ITGA9: variants seen among roughly 807,000 people sequenced by gnomAD.
ITGA9 encodes integrin alpha-9.
A neutral mutation model predicts 127.8 loss-of-function variants in ITGA9; 56 were observed. The ratio of observed to expected loss-of-function variants is 0.44; its 90% CI spans 0.35 to 0.55. ITGA9 has a LOEUF of 0.55. Ranked by LOEUF, ITGA9 falls within the 20% of genes least tolerant of loss-of-function variation. The pLI is 0.00. For synonymous variants in ITGA9, 508 were observed against 514.5 expected, an observed-to-expected ratio of 0.99 and a Z score of 0.17; for missense variants, 1,196 against 1,347.1, an observed-to-expected ratio of 0.89 and a Z score of 1.76.
chr3:37,471,194 T>A, intron 2 of ITGA9, 60 bp downstream of exon 2: 1 of 1,594,728 alleles, frequency 6.3e-7, no homozygotes, highest in Admixed American at 1.7e-5. Context: ...CTTGCTCTTC[T>A]TCTTCCCAGG....
chr3:37,499,223 C>T (rs1264796444), intron 5 of ITGA9, among the ~76,000 whole-genome samples: 1 of 152,228 alleles, frequency 6.6e-6, no homozygotes, highest in African/African-American at 2.4e-5. Flanking sequence ...AGGATTTGGA[C>T]CAGCTGGGCT....
chr3:37,685,313 G>A (rs976391963), intron 18 of ITGA9, among the ~76,000 whole-genome samples: 1 of 152,184 alleles, frequency 6.6e-6, no homozygotes, highest in African/African-American at 2.4e-5. Flanking sequence ...AACTTTCCAA[G>A]AAGTCATCTC....
At chr3:37,479,564 G>A (rs956680244) in intron 3 of ITGA9, among the ~76,000 whole-genome samples, 1 of 152,160 alleles carries the variant, frequency 6.6e-6, no homozygotes, top group Non-Finnish European at 1.5e-5. Flanking sequence ...CAGGCCCCAA[G>A]AGCCCCCTCA....
At position 37,471,043 on chromosome 3, in the gene ITGA9, C is replaced by T. The variant is rs137958528; in HGVS notation, c.222C>T (p.Tyr74=). 1.2e-6 allele frequency: 2 copies of T among 1,614,142 alleles called. No individual in the cohort carries two copies. Among genetic ancestry groups the T allele is most frequent in the East Asian group, 2.2e-5 (1 of 44,880 alleles). Residue 74 remains tyrosine, a synonymous_variant, in exon 2 of 28, where the codon TAC becomes TAT. Coordinates refer to ENST00000264741, the MANE Select transcript of ITGA9 (RefSeq NM_002207.3). ...GCGCACCAAAGGCAGATTCCAAATA[C>T]AGCCCTTCAGTGAAGTCTCCTGGGG... The part of the protein sequence containing the change: ...LVGAPKADSK[Y]SPSVKSPGAV...
chr3:37,617,744 G>A (rs906525982), intron 15 of ITGA9, among the ~76,000 whole-genome samples: 2 of 152,064 alleles, frequency 1.3e-5, no homozygotes, highest in Admixed American at 6.6e-5. Flanking sequence ...CTTTCTTCTA[G>A]TTGATCGAAT....
At chr3:37,513,265 C>A (rs1698951406) in intron 8 of ITGA9, among the ~76,000 whole-genome samples, 1 of 152,090 alleles carries the variant, frequency 6.6e-6, no homozygotes, top group African/African-American at 2.4e-5. Context: ...TATTTATCTT[C>A]CCCTTGATAG....
In ITGA9 at chr3:37,684,982, G is replaced by A. The variant is rs1420905235; in HGVS notation, c.2067+967G>A. ...CTGCAGACAACAAGGGGGAACAAGT[G>A]GACAAAAGTCGACTCTGCTCTACCC... On this transcript the variant is annotated intron_variant, in intron 18 of 27. Transcript: ENST00000264741. Among the ~76,000 whole-genome samples the A allele has an allele frequency of 3.9e-5, 6 of 152,268 alleles. No individual in the cohort carries two copies. The East Asian group carries it at 1.2e-3, about 29-fold the overall frequency.
chr3:37,659,625 A>T (rs1700513411), intron 17 of ITGA9, among the ~76,000 whole-genome samples: 1 of 151,984 alleles, frequency 6.6e-6, no homozygotes, highest in Admixed American at 6.6e-5. Context: ...GGGTTAGAAC[A>T]TGCTCCTTTA....
intron 13 of ITGA9, among the ~76,000 whole-genome samples, chr3:37,531,648 G>A (rs1379949756): frequency 6.6e-6 from 1 of 152,200 alleles, no homozygotes; most frequent in Non-Finnish European, 1.5e-5. Context: ...ACCAGGCAAG[G>A]TGGAGACCAG....
intron 13 of ITGA9, among the ~76,000 whole-genome samples, chr3:37,531,143 T>A (rs879400686): frequency 2.6e-5 from 4 of 152,080 alleles, no homozygotes; most frequent in Non-Finnish European, 4.4e-5. Context: ...GCTGGCACAT[T>A]TGTAGGCAGG....
intron 18 of ITGA9, among the ~76,000 whole-genome samples, chr3:37,730,606 C>T (rs575896861): frequency 3.9e-5 from 6 of 152,176 alleles, no homozygotes; most frequent in African/African-American, 7.2e-5. Context: ...CTGAGCTCTA[C>T]GAGGACAGCG....
rs566447742 is a variant in ITGA9, at chr3:37,648,209, G to A, written c.1840-5505G>A. 5.5e-4 allele frequency among the ~76,000 whole-genome samples: 83 copies of A among 152,094 alleles called. 1 individual carries two copies. Among genetic ancestry groups the A allele is most frequent in the African/African-American group, 2.0e-3 (82 of 41,478 alleles). Reference sequence around the variant, plus strand: ...CTTTTTATCTCTTGTCGTTTTTATAGTAGCCATCCTAACTGTTGTGAGGTG... The same window carrying A: ...CTTTTTATCTCTTGTCGTTTTTATAATAGCCATCCTAACTGTTGTGAGGTG... On this transcript the variant is annotated intron_variant, in intron 16 of 27. Coordinates refer to ENST00000264741, the MANE Select transcript of ITGA9 (RefSeq NM_002207.3).
intron 15 of ITGA9, among the ~76,000 whole-genome samples, chr3:37,555,186 C>A (rs1699418597): frequency 6.6e-6 from 1 of 152,184 alleles, no homozygotes; most frequent in Admixed American, 6.5e-5. Context: ...TGGTCTGAGG[C>A]CCCTGTAAAG....
chr3:37,692,412 A>AGTGTGTGTGTGTGTGT (rs59928496), intron 18 of ITGA9, among the ~76,000 whole-genome samples: 1 of 145,968 alleles, frequency 6.9e-6, no homozygotes, highest in African/African-American at 2.5e-5. Context: ...AGAGAGAGAG[A>AGTGTGTGTGTGTGTGT]GTGTGTGTGT....
At chr3:37,539,254 A>G (rs1381148227) in intron 14 of ITGA9, among the ~76,000 whole-genome samples, 1 of 152,234 alleles carries the variant, frequency 6.6e-6, no homozygotes, top group Non-Finnish European at 1.5e-5. Context: ...GTTCTCCCCA[A>G]AACAGAGCCT....
At chr3:37,698,501 A>G (rs930192734) in intron 18 of ITGA9, among the ~76,000 whole-genome samples, 3 of 152,176 alleles carry the variant, frequency 2.0e-5, no homozygotes, top group African/African-American at 7.2e-5. Flanking sequence ...TCTATCTTGA[A>G]TTAATTTTTG....
At chr3:37,596,479 C>G (rs1288020617) in intron 15 of ITGA9, among the ~76,000 whole-genome samples, 1 of 152,128 alleles carries the variant, frequency 6.6e-6, no homozygotes, top group Admixed American at 6.5e-5. Flanking sequence ...GGAGACCAGA[C>G]AGGTCTAGCT....
intron 17 of ITGA9, among the ~76,000 whole-genome samples, chr3:37,676,300 T>C (rs1481568283): frequency 1.3e-5 from 2 of 152,236 alleles, no homozygotes; most frequent in Admixed American, 6.5e-5. Context: ...CTCATGTGTA[T>C]GTTAAACTTA....
intron 4 of ITGA9, among the ~76,000 whole-genome samples, chr3:37,484,005 A>G (rs2844347): frequency 0.65 from 98,188 of 152,080 alleles, 31,810 homozygotes; most frequent in Middle Eastern, 0.71. Flanking sequence ...AAGCCAGTCA[A>G]CAACCCTCAC....
Sources: gnomAD v4.1 joint callset for allele counts (sites outside exome capture counted in the v4.1 genomes callset) on GRCh38, gnomAD v4.1.1 for gene constraint, MANE v1.5 for transcripts, NCBI Gene and HGNC (gene_info 2026-07-23, HGNC 2026-07-21) for gene names.